The following FRMPD3 variants were observed in gnomAD, a reference collection of about 807,000 sequenced individuals.
FRMPD3 encodes FERM and PDZ domain-containing protein 3.
In FRMPD3, 42 loss-of-function variants were observed where a neutral mutation model predicts 97.9. That is an observed-to-expected ratio of 0.43 (90% CI 0.34 to 0.55). The LOEUF is 0.55. Among genes scored for constraint, FRMPD3 ranks in the 20% least tolerant of loss-of-function variants. The pLI is 0.03. For missense variants in FRMPD3, 1,303 were observed against 1,457.7 expected, an observed-to-expected ratio of 0.89 and a Z score of 1.73; for synonymous variants, 577 against 581.1, an observed-to-expected ratio of 0.99 and a Z score of 0.10.
intron 1 of FRMPD3, among the ~76,000 whole-genome samples, chrX:107,490,879 C>T (rs972774436): frequency 6.3e-5 from 7 of 111,919 alleles, no homozygotes; most frequent in Non-Finnish European, 1.3e-4. Context: ...CTTCCTGGAG[C>T]TCTCTCAAGT....
In FRMPD3 at chrX:107,564,907, C is replaced by G; in HGVS notation, c.1137C>G (p.Thr379=). ...TVGLDEKQSA[T]TLLVGPRHGI... Reference sequence around the variant, plus strand: ...ACCAGGATGAGAAGCAGTCGGCCACCACGCTCCTGGTGGGACCCCGTCATG... The same window carrying G: ...ACCAGGATGAGAAGCAGTCGGCCACGACGCTCCTGGTGGGACCCCGTCATG... Residue 379 remains threonine, a synonymous_variant, in exon 12 of 15, where the codon ACC becomes ACG. Coordinates refer to ENST00000683843, the MANE Select transcript of FRMPD3 (RefSeq NM_001388459.1). 8.3e-7 allele frequency: 1 copy of G among 1,210,776 alleles called. No individual in the cohort carries two copies. The highest frequency in any genetic ancestry group is 1.1e-6 in the Non-Finnish European group (1 of 895,276).
Position 107,604,441 on chromosome X carries a change from A to G in FRMPD3, c.*1068A>G, listed in dbSNP as rs2064175785. The G allele has an allele frequency of 9.1e-6, 1 of 110,232 alleles. No individual in the cohort carries two copies. Among genetic ancestry groups the G allele is most frequent in the Non-Finnish European group, 1.9e-5 (1 of 52,686 alleles). The allele number at this position is 110,232 out of a possible 1,213,427, so 9.1% of individuals were successfully genotyped here. The stretch of plus-strand genomic sequence containing the variant: ...TCTAAGAAAAGAAGCTGAGCGCCTT[A>G]CCCGGTGCAGTCCTGCACCTTTCTC... On this transcript the variant is annotated 3_prime_UTR_variant, in exon 15 of 15. Coordinates refer to ENST00000683843, the MANE Select transcript of FRMPD3 (RefSeq NM_001388459.1).
Position 107,512,619 on chromosome X carries a change from A to G in FRMPD3, c.-7-13963A>G, listed in dbSNP as rs746356339. Among the ~76,000 whole-genome samples the G allele has an allele frequency of 4.9e-3, 526 of 107,661 alleles. 1 individual carries two copies. Among genetic ancestry groups the G allele is most frequent in the Non-Finnish European group, 7.4e-3 (386 of 51,976 alleles). 93.5% of individuals were successfully genotyped at this position (107,661 alleles called of 115,157 possible). Reference sequence around the variant, plus strand: ...GACTGTGTCTTTCCCTTCATTCCTCATCTCTCCCGTTCTGGCTCAGTCAAT... The same window carrying G: ...GACTGTGTCTTTCCCTTCATTCCTCGTCTCTCCCGTTCTGGCTCAGTCAAT... On this transcript the variant is annotated intron_variant, in intron 1 of 14. Coordinates refer to ENST00000683843, the MANE Select transcript of FRMPD3 (RefSeq NM_001388459.1).
rs1203225006 is a variant in FRMPD3 at position 107,579,536 on chromosome X, G to A, written c.1441+3077G>A. 8.0e-5 allele frequency among the ~76,000 whole-genome samples: 9 copies of A among 112,231 alleles called. No individual in the cohort carries two copies. In the East Asian group the frequency reaches 2.5e-3, roughly 31 times the overall value. ...ACATAGGTTACAATCTAGTAGAGGG[G>A]AAATACTGACAGATGATTAAAAGGA... On this transcript the variant is annotated intron_variant, in intron 13 of 14. Transcript: ENST00000683843.
intron 1 of FRMPD3, among the ~76,000 whole-genome samples, chrX:107,517,483 G>A (rs1247195806): frequency 8.9e-6 from 1 of 111,859 alleles, no homozygotes; most frequent in African/African-American, 3.2e-5. Context: ...ACCATGGCCG[G>A]GCGTGGTGGC....
intron 12 of FRMPD3, among the ~76,000 whole-genome samples, chrX:107,567,930 AGAG>A (rs1922680049): frequency 1.8e-5 from 2 of 111,136 alleles, no homozygotes; most frequent in South Asian, 3.9e-4. Flanking sequence ...TGAGAAAAAA[AGAG>A]GAGATGTGAA....
intron 5 of FRMPD3, among the ~76,000 whole-genome samples, chrX:107,548,816 C>T (rs1261424671): frequency 9.0e-6 from 1 of 111,671 alleles, no homozygotes; most frequent in Non-Finnish European, 1.9e-5. Context: ...TGCACTCCAG[C>T]CTAGGCAATA....
chrX:107,523,546 C>T (rs1286384968), intron 1 of FRMPD3, among the ~76,000 whole-genome samples: 1 of 112,078 alleles, frequency 8.9e-6, no homozygotes, highest in African/African-American at 3.2e-5. Context: ...ATCTTCTGAA[C>T]ACCCAAGTTG....
At chrX:107,478,332 A>G (rs1173317687) in intron 1 of FRMPD3, among the ~76,000 whole-genome samples, 1 of 111,564 alleles carries the variant, frequency 9.0e-6, no homozygotes, top group East Asian at 2.8e-4. Flanking sequence ...CCTTTGTTTT[A>G]CATATAAGGA....
Position 107,550,134 on chromosome X carries a change from T to A in FRMPD3, c.488T>A (p.Phe163Tyr). 1.7e-6 allele frequency: 2 copies of A among 1,197,133 alleles called. No homozygotes were observed. Among genetic ancestry groups the A allele is most frequent in the Non-Finnish European group, 2.3e-6 (2 of 884,048 alleles). The change falls in exon 6 of 15, where the codon TTT becomes TAT. Residue 163 changes from phenylalanine (F) to tyrosine (Y), a missense_variant. By Grantham distance (22) the Phe-to-Tyr change is conservative. Transcript: ENST00000683843. ...AATGGGCAGATCAAGTCATTCACAT[T>A]TGATGGTCGGACCACTGTTAAGGTA... ...LENGQIKSFT[F>Y]DGRTTVKDVM...
chrX:107,561,591 A>G (rs1922365700), intron 10 of FRMPD3, among the ~76,000 whole-genome samples: 1 of 111,426 alleles, frequency 9.0e-6, no homozygotes, highest in African/African-American at 3.3e-5. Flanking sequence ...GCAGCTTCTT[A>G]GCTTTGTAAG....
chrX:107,591,130 A>G lies in FRMPD3; in HGVS notation c.1442-6191A>G, dbSNP rs760711709. On this transcript the variant is annotated intron_variant, in intron 13 of 14. Coordinates refer to ENST00000683843, the MANE Select transcript of FRMPD3 (RefSeq NM_001388459.1). ...TATCTTCTTGAATCAGTTTTGGCAA[A>G]TTGTATATTTCTTTCTTTCTTTCTT... Among the ~76,000 whole-genome samples, 217 of 108,811 alleles carry G rather than the reference A, an allele frequency of 2.0e-3. 2 individuals are homozygous for G. Among genetic ancestry groups the G allele is most frequent in the African/African-American group, 6.9e-3 (206 of 29,983 alleles). The allele number at this position is 108,811 out of a possible 115,157, so 94.5% of individuals were successfully genotyped here.
intron 1 of FRMPD3, among the ~76,000 whole-genome samples, chrX:107,466,651 G>C (rs2147890089): frequency 8.9e-6 from 1 of 112,422 alleles, no homozygotes; most frequent in Admixed American, 9.4e-5. Context: ...AAGAAAGAGA[G>C]GATGGAGTGA....
At chrX:107,527,822 G>A (rs1922757031) in intron 2 of FRMPD3, among the ~76,000 whole-genome samples, 1 of 111,441 alleles carries the variant, frequency 9.0e-6, no homozygotes, top group African/African-American at 3.3e-5. Flanking sequence ...CAACTAGAGG[G>A]CACAGAGGAA....
chrX:107,493,056 T>G (rs1921695360), intron 1 of FRMPD3, among the ~76,000 whole-genome samples: 1 of 108,043 alleles, frequency 9.3e-6, no homozygotes, highest in African/African-American at 3.4e-5. Context: ...GGTGCATGCT[T>G]GTAGTCCCAG....
chrX:107,506,135 CT>C (rs1430717603), intron 1 of FRMPD3, among the ~76,000 whole-genome samples: 1 of 112,173 alleles, frequency 8.9e-6, no homozygotes, highest in Non-Finnish European at 1.9e-5. Context: ...TCTTCCTTTT[CT>C]TTTTTCTGTC....
Position 107,603,819 on chromosome X carries a change from C to T in FRMPD3, c.*446C>T, listed in dbSNP as rs779935061. 1.5e-4 allele frequency: 19 copies of T among 124,388 alleles called. No individual in the cohort carries two copies. The highest frequency in any genetic ancestry group is 3.0e-4 in the South Asian group (1 of 3,362). 10.3% of individuals were successfully genotyped at this position (124,388 alleles called of 1,213,427 possible). A position where few individuals can be genotyped will look rare whatever the true frequency, so the allele number is the denominator to read the frequency against. On this transcript the variant is annotated 3_prime_UTR_variant, in exon 15 of 15. Transcript: ENST00000683843. ...TGGCAGTAGCAGCAGGCCACATTGC[C>T]GTGCCGAGGGGAGAGGGCGCTCAGT...
chrX:107,535,554 T>A (rs772582059), intron 4 of FRMPD3, among the ~76,000 whole-genome samples: 3 of 108,304 alleles, frequency 2.8e-5, no homozygotes, highest in South Asian at 4.1e-4. Flanking sequence ...GCACCTGTAG[T>A]CCCAGCTACA....
intron 10 of FRMPD3, among the ~76,000 whole-genome samples, chrX:107,562,638 A>G (rs1380320870): frequency 8.9e-6 from 1 of 112,314 alleles, no homozygotes; most frequent in Non-Finnish European, 1.9e-5. Flanking sequence ...TGTGACTCAC[A>G]GGTTTCTGGC....
Sources: gnomAD v4.1 joint callset for allele counts (sites outside exome capture counted in the v4.1 genomes callset) on GRCh38, gnomAD v4.1.1 for gene constraint, MANE v1.5 for transcripts, NCBI Gene and HGNC (gene_info 2026-07-23, HGNC 2026-07-21) for gene names.